LRRC4C: variants seen among roughly 807,000 people sequenced by gnomAD.
LRRC4C encodes the protein leucine rich repeat containing 4C.
Under a neutral mutation model 33.6 loss-of-function variants are expected in LRRC4C, and 5 were observed. The ratio of observed to expected loss-of-function variants is 0.15; its 90% CI spans 0.08 to 0.31. The LOEUF (loss-of-function observed/expected upper bound fraction) is 0.31. Ranked by LOEUF, LRRC4C falls within the 10% of genes least tolerant of loss-of-function variation. The pLI, the probability that LRRC4C is intolerant of heterozygous loss-of-function variation, is 1.00. For synonymous variants in LRRC4C, 329 were observed against 302.0 expected, an observed-to-expected ratio of 1.09 and a Z score of -0.93; for missense variants, 560 against 796.7, an observed-to-expected ratio of 0.70 and a Z score of 3.58.
At chr11:40,669,511 C>T (rs989495270) in intron 2 of LRRC4C, among the ~76,000 whole-genome samples, 4 of 152,202 alleles carry the variant, frequency 2.6e-5, no homozygotes, top group African/African-American at 9.6e-5. Flanking sequence ...TCTCCTTTCT[C>T]TCCTAACCAT....
intron 1 of LRRC4C, among the ~76,000 whole-genome samples, chr11:41,362,400 A>C (rs753908109): frequency 3.3e-5 from 5 of 152,206 alleles, no homozygotes; most frequent in Non-Finnish European, 7.3e-5. Flanking sequence ...AATACTAAGC[A>C]TATAAATAGC....
chr11:41,455,956 C>T (rs181863928), intron 1 of LRRC4C, among the ~76,000 whole-genome samples: 1 of 152,162 alleles, frequency 6.6e-6, no homozygotes, highest in Admixed American at 6.6e-5. Flanking sequence ...GCTGAGTAGT[C>T]CCAAATGGAG....
At chr11:40,603,635 G>A (rs1233631664) in intron 3 of LRRC4C, among the ~76,000 whole-genome samples, 1 of 152,180 alleles carries the variant, frequency 6.6e-6, no homozygotes, top group Admixed American at 6.5e-5. Context: ...GAAAAATTTA[G>A]TATAATGTAG....
At position 40,474,205 on chromosome 11, in the gene LRRC4C, A is replaced by C. The variant is rs148232883; in HGVS notation, c.-269-154484T>G. Among the ~76,000 whole-genome samples, 150 of 152,182 alleles carry C rather than the reference A, an allele frequency of 9.9e-4. 1 individual carries two copies. Among genetic ancestry groups the C allele is most frequent in the African/African-American group, 3.4e-3 (143 of 41,562 alleles). ...CAGGTTACAAGGCTATAATAACCAA[A>C]ACAGCATGGTACTGGTACCAAAACA... On this transcript the variant is annotated intron_variant, in intron 3 of 6. Transcript: ENST00000528697.
intron 3 of LRRC4C, 53 bp downstream of exon 3, chr11:40,648,089 A>G (rs1418574570): frequency 1.3e-5 from 2 of 152,184 alleles, no homozygotes; most frequent in Admixed American, 1.3e-4. Flanking sequence ...ACAACCCCAT[A>G]GTCAATGAAT....
intron 2 of LRRC4C, among the ~76,000 whole-genome samples, chr11:40,816,162 C>T (rs894351598): frequency 4.5e-4 from 69 of 152,082 alleles, no homozygotes; most frequent in African/African-American, 1.6e-3. Context: ...AAGTTTTACA[C>T]GTATTGACTA....
chr11:41,119,120 C>T lies in LRRC4C; in HGVS notation c.-495-185397G>A, dbSNP rs146463371. On this transcript the variant is annotated intron_variant, in intron 1 of 6. Transcript: ENST00000528697. ...CCTCTTGATTTTCTGTATTGTTTCA[C>T]TGTACTTTTTCATTGCCGTTTGCTG... Among the ~76,000 whole-genome samples, 188 of 152,190 alleles carry T rather than the reference C, an allele frequency of 1.2e-3. 3 individuals are homozygous for T. Among genetic ancestry groups the T allele is most frequent in the Admixed American group, 0.012 (185 of 15,276 alleles).
At chr11:41,056,890 T>G (rs1453425489) in intron 1 of LRRC4C, among the ~76,000 whole-genome samples, 2 of 152,220 alleles carry the variant, frequency 1.3e-5, no homozygotes, top group African/African-American at 4.8e-5. Context: ...GGCTGCTGCA[T>G]GCTTCATGGA....
chr11:41,246,541 A>C (rs1352702494), intron 1 of LRRC4C, among the ~76,000 whole-genome samples: 6 of 152,108 alleles, frequency 3.9e-5, no homozygotes, highest in Admixed American at 6.5e-5. Context: ...TCAACTTGGA[A>C]GCGGGCGGGG....
intron 4 of LRRC4C, among the ~76,000 whole-genome samples, chr11:40,245,972 C>CCTTTTTTTTTTTTTTTTTTT (rs1194665215): frequency 7.6e-6 from 1 of 132,116 alleles, no homozygotes. Flanking sequence ...AAAGTCCTAA[C>CCTTTTTTTTTTTTTTTTTTT]TTTTTTTTTT....
At chr11:40,248,570 G>C (rs1406772001) in intron 4 of LRRC4C, among the ~76,000 whole-genome samples, 4 of 152,046 alleles carry the variant, frequency 2.6e-5, no homozygotes, top group African/African-American at 4.8e-5. Context: ...AGGCATGGTG[G>C]TATGACCCCG....
At chr11:40,512,407 C>G (rs1345404273) in intron 3 of LRRC4C, among the ~76,000 whole-genome samples, 1 of 151,870 alleles carries the variant, frequency 6.6e-6, no homozygotes, top group African/African-American at 2.4e-5. Flanking sequence ...ATGAAAAAAC[C>G]AAAACCAAAA....
chr11:40,936,062 AT>A (rs1565219417), intron 1 of LRRC4C, among the ~76,000 whole-genome samples: 2,530 of 102,712 alleles, frequency 0.025, 221 homozygotes, highest in Non-Finnish European at 0.034. Flanking sequence ...ATATATATAT[AT>A]ATAACATAGT....
At chr11:40,172,935 A>G (rs1321258852) in intron 5 of LRRC4C, among the ~76,000 whole-genome samples, 7 of 152,184 alleles carry the variant, frequency 4.6e-5, no homozygotes. Flanking sequence ...ATCTCCTTAC[A>G]ACAAGTGGAA....
chr11:40,458,343 T>C (rs1952232358), intron 3 of LRRC4C, among the ~76,000 whole-genome samples: 1 of 152,192 alleles, frequency 6.6e-6, no homozygotes, highest in Admixed American at 6.5e-5. Flanking sequence ...TATAAACCCT[T>C]GTAATCCTGT....
intron 2 of LRRC4C, among the ~76,000 whole-genome samples, chr11:40,835,617 T>A (rs1023139393): frequency 5.9e-5 from 9 of 152,198 alleles, no homozygotes; most frequent in Non-Finnish European, 1.0e-4. Flanking sequence ...ATTGATGTAC[T>A]TTATCATTGA....
At chr11:40,344,477 C>A (rs535615621) in intron 3 of LRRC4C, among the ~76,000 whole-genome samples, 3 of 152,170 alleles carry the variant, frequency 2.0e-5, no homozygotes, top group African/African-American at 7.2e-5. Context: ...AAACACTCAA[C>A]AAACTAGGCA....
chr11:40,226,757 G>A (rs1180274912), intron 5 of LRRC4C, among the ~76,000 whole-genome samples: 1 of 152,108 alleles, frequency 6.6e-6, no homozygotes, highest in African/African-American at 2.4e-5. Context: ...TGTAACCTGA[G>A]GGGACAGCTT....
At chr11:40,800,241 C>T (rs1172649310) in intron 2 of LRRC4C, among the ~76,000 whole-genome samples, 1 of 152,152 alleles carries the variant, frequency 6.6e-6, no homozygotes, top group East Asian at 1.9e-4. Context: ...AAACTATTGG[C>T]AAAGTCCTTA....
Sources: allele counts gnomAD v4.1 joint callset (sites outside exome capture counted in the v4.1 genomes callset), GRCh38; gene constraint gnomAD v4.1.1; transcripts MANE v1.5; gene names NCBI Gene and HGNC (gene_info 2026-07-23, HGNC 2026-07-21).